The following MATN2 variants were observed in gnomAD, a reference collection of about 807,000 sequenced individuals.
MATN2 encodes the protein matrilin-2.
Under a neutral mutation model 103.2 loss-of-function variants are expected in MATN2, and 69 were observed. The observed-to-expected ratio is 0.67, with a 90% CI of 0.55 to 0.82. MATN2 has a LOEUF of 0.82. Among genes scored for constraint, MATN2 ranks in the 40% least tolerant of loss-of-function variants. The pLI is 0.00. For synonymous variants in MATN2, 429 were observed against 450.2 expected (o/e 0.95, Z 0.60); for missense variants, 1,023 against 1,211.5 (o/e 0.84, Z 2.31).
intron 12 of MATN2, 191 bp from the exon 13 acceptor site, chr8:98,021,010 TGGGA>T (rs766514448): frequency 1.4e-5 from 7 of 486,154 alleles, no homozygotes; most frequent in Non-Finnish European, 2.2e-5. Context: ...TTCAGACTCA[TGGGA>T]GCTAGAGCTT....
chr8:97,965,314 A>G (rs1434459346), intron 5 of MATN2, among the ~76,000 whole-genome samples: 2 of 152,206 alleles, frequency 1.3e-5, no homozygotes, highest in African/African-American at 4.8e-5. Context: ...TTTGGGTGAC[A>G]AATGCAAAGC....
At chr8:97,910,509 AT>A (rs1381425677) in intron 2 of MATN2, among the ~76,000 whole-genome samples, 1 of 152,178 alleles carries the variant, frequency 6.6e-6, no homozygotes, top group Non-Finnish European at 1.5e-5. Context: ...AACACTAAGG[AT>A]TATTTTATTT....
intron 2 of MATN2, among the ~76,000 whole-genome samples, chr8:97,922,504 G>A (rs1040738779): frequency 2.0e-5 from 3 of 152,196 alleles, no homozygotes; most frequent in African/African-American, 7.2e-5. Flanking sequence ...GTAAAATTGA[G>A]TACTTCAATC....
Position 97,931,276 on chromosome 8 carries a change from C to G in MATN2, c.466C>G (p.Pro156Ala). Residue 156 changes from proline to alanine, a missense_variant, in exon 3 of 19, where the codon CCC becomes GCC. Coordinates refer to ENST00000254898, the MANE Select transcript of MATN2 (RefSeq NM_002380.5). This position sits in a 1 kb window ranked among gnomAD's most constrained non-coding sequence, Gnocchi z 4.1. ...ATTCTCAGAAGCAGAGGGGGCCCGG[C>G]CCCTGAGGGAGAATGTGCCACGGGT... ...IAFSEAEGAR[P>A]LRENVPRVIM... 1 of 1,613,910 alleles carries G rather than the reference C, an allele frequency of 6.2e-7. No homozygotes were observed. Among genetic ancestry groups the G allele is most frequent in the Non-Finnish European group, 8.5e-7 (1 of 1,179,874 alleles).
At chr8:97,925,399 T>G (rs1211340395) in intron 2 of MATN2, among the ~76,000 whole-genome samples, 1 of 151,952 alleles carries the variant, frequency 6.6e-6, no homozygotes, top group Non-Finnish European at 1.5e-5. Flanking sequence ...TACTTCACTT[T>G]TATACTAGAT....
At chr8:97,908,639 C>T (rs1319602334) in intron 2 of MATN2, among the ~76,000 whole-genome samples, 2 of 152,268 alleles carry the variant, frequency 1.3e-5, no homozygotes, top group Admixed American at 6.5e-5. Flanking sequence ...TCTCTTTCAA[C>T]CTTTTTTTTT....
intron 15 of MATN2, among the ~76,000 whole-genome samples, chr8:98,031,015 G>A (rs1813997062): frequency 6.6e-6 from 1 of 152,082 alleles, no homozygotes; most frequent in Non-Finnish European, 1.5e-5. Context: ...TCTCCTTCAT[G>A]GGCAGGGCCA....
intron 3 of MATN2, among the ~76,000 whole-genome samples, chr8:97,935,138 G>C (rs1271174039): frequency 6.6e-6 from 1 of 151,858 alleles, no homozygotes; most frequent in Non-Finnish European, 1.5e-5. Flanking sequence ...TGTCCAGGCT[G>C]GCCTCGAACT....
At chr8:98,020,994 G>A (rs112362287) in intron 12 of MATN2, 7 of 450,074 alleles carry the variant, frequency 1.6e-5, no homozygotes, top group African/African-American at 1.2e-4. Context: ...ATCACCCATC[G>A]TACCATTCAG....
At chr8:97,929,557 A>G (rs1810111485) in intron 2 of MATN2, among the ~76,000 whole-genome samples, 1 of 152,162 alleles carries the variant, frequency 6.6e-6, no homozygotes, top group African/African-American at 2.4e-5. Flanking sequence ...CGTACTAGAA[A>G]CGCAAAAGGG....
At position 97,968,990 on chromosome 8, in the gene MATN2, G is replaced by A. The variant is rs888720732; in HGVS notation, c.958+7460G>A. Among the ~76,000 whole-genome samples, 17 of 152,378 alleles carry A rather than the reference G, an allele frequency of 1.1e-4. 1 individual carries two copies. The highest frequency in any genetic ancestry group is 3.4e-4 in the African/African-American group (14 of 41,600). ...AGTTTAATTGGCTCACAGTTCTGCA[G>A]GCTGTACAAGAAGCATGGCATTGGC... On this transcript the variant is annotated intron_variant, in intron 5 of 18. Coordinates refer to ENST00000254898, the MANE Select transcript of MATN2 (RefSeq NM_002380.5).
At chr8:97,882,913 T>A (rs60290858) in intron 1 of MATN2, among the ~76,000 whole-genome samples, 8,715 of 152,278 alleles carry the variant, frequency 0.057, 267 homozygotes, top group African/African-American at 0.08. Context: ...TTCATATGTT[T>A]ATTTTTCATC....
At chr8:97,933,173 C>G (rs1810256167) in intron 3 of MATN2, among the ~76,000 whole-genome samples, 1 of 152,178 alleles carries the variant, frequency 6.6e-6, no homozygotes, top group Non-Finnish European at 1.5e-5. Flanking sequence ...GAACCTTTTT[C>G]CTTGCCATGC....
At chr8:97,947,364 A>AAAC (rs200832075) in intron 4 of MATN2, among the ~76,000 whole-genome samples, 1 of 152,200 alleles carries the variant, frequency 6.6e-6, no homozygotes, top group East Asian at 1.9e-4. Flanking sequence ...CTCCGTCTCA[A>AAAC]AACAACAACA....
intron 4 of MATN2, among the ~76,000 whole-genome samples, chr8:97,951,385 C>T (rs1452859947): frequency 6.6e-6 from 1 of 152,162 alleles, no homozygotes; most frequent in South Asian, 2.1e-4. Flanking sequence ...CCTTGCACAG[C>T]TTTTCCTCCG....
At position 98,007,832 on chromosome 8, in the gene MATN2, C is replaced by T. The variant is rs549442198; in HGVS notation, c.1573+231C>T. Among the ~76,000 whole-genome samples the T allele has an allele frequency of 7.2e-5, 11 of 152,282 alleles. No individual in the cohort carries two copies. The highest frequency in any genetic ancestry group is 2.4e-4 in the African/African-American group (10 of 41,546). On this transcript the variant is annotated intron_variant, in intron 10 of 18. Transcript: ENST00000254898. The surrounding 1 kb of genome is among the most constrained non-coding windows in gnomAD (Gnocchi z 4.2). ...AGTGGCTTTTTGCTGTTTCCACCTCCCTGTCATTCTGAAGCTGGACAGAGC... is the reference window on the plus strand; with the variant it reads ...AGTGGCTTTTTGCTGTTTCCACCTCTCTGTCATTCTGAAGCTGGACAGAGC...
rs528482428 is a variant in MATN2 at position 97,947,713 on chromosome 8, T to C, written c.835+5814T>C. On this transcript the variant is annotated intron_variant, in intron 4 of 18. Coordinates refer to ENST00000254898, the MANE Select transcript of MATN2 (RefSeq NM_002380.5). ...AAATTGATCCATAGATTCAAAGCAA[T>C]CCCCTTCAAAATCCTAGCAGACCTA... Among the ~76,000 whole-genome samples the C allele has an allele frequency of 2.6e-5, 4 of 152,206 alleles. No individual in the cohort carries two copies. The South Asian group carries it at 8.3e-4, about 32-fold the overall frequency.
Position 98,018,024 on chromosome 8 carries a change from G to C in MATN2, c.1727G>C (p.Gly576Ala). 1 of 1,613,754 alleles carries C rather than the reference G, an allele frequency of 6.2e-7. No individual in the cohort carries two copies. The highest frequency in any genetic ancestry group is 8.5e-7 in the Non-Finnish European group (1 of 1,179,718). ...GATGTCTGCCAAGCTATAGACCATG[G>C]CTGTGAACACATTTGTGTGAACAGT... ...RKDVCQAIDH[G>A]CEHICVNSDD... is the part of the protein sequence containing the mutation. Residue 576 changes from glycine (G) to alanine (A), a missense_variant, in exon 12 of 19, where the codon GGC (glycine) becomes GCC (alanine). Coordinates refer to ENST00000254898, the MANE Select transcript of MATN2 (RefSeq NM_002380.5).
Position 97,892,382 on chromosome 8 carries a change from C to T in MATN2, c.142+4140C>T, listed in dbSNP as rs375314433. Among the ~76,000 whole-genome samples, 492 of 141,666 alleles carry T rather than the reference C, an allele frequency of 3.5e-3. 3 individuals carry two copies. Among genetic ancestry groups the T allele is most frequent in the African/African-American group, 0.012 (453 of 37,952 alleles). 92.9% of individuals were successfully genotyped at this position (141,666 alleles called of 152,430 possible). A position where few individuals can be genotyped will look rare whatever the true frequency, so the allele number is the denominator to read the frequency against. On this transcript the variant is annotated intron_variant, in intron 2 of 18. Coordinates refer to ENST00000254898, the MANE Select transcript of MATN2 (RefSeq NM_002380.5). ...AGTGAGCCGTGATGGTGCCACTGCA[C>T]TCCAGCCTGGGTGACAGAGTGAGAC... is the stretch of plus-strand genomic sequence containing the variant.
Sources: gnomAD v4.1 joint callset for allele counts (sites outside exome capture counted in the v4.1 genomes callset) on GRCh38, gnomAD v4.1.1 for gene constraint, Gnocchi (gnomAD v3.1) non-coding constraint, MANE v1.5 for transcripts, NCBI Gene and HGNC (gene_info 2026-07-23, HGNC 2026-07-21) for gene names.